KIAA1217: variants seen among roughly 807,000 people sequenced by gnomAD.
KIAA1217 encodes sickle tail protein homolog.
Under a neutral mutation model 163.9 loss-of-function variants are expected in KIAA1217, and 88 were observed. The observed-to-expected ratio is 0.54, with a 90% confidence interval of 0.45 to 0.64. The LOEUF is 0.64. KIAA1217 is among the 30% of genes least tolerant of loss of function. KIAA1217 has a pLI of 0.00. For missense variants in KIAA1217, 2,372 were observed against 2,475.0 expected, an observed-to-expected ratio of 0.96 and a Z score of 0.88; for synonymous variants, 903 against 923.1, an observed-to-expected ratio of 0.98 and a Z score of 0.39.
intron 2 of KIAA1217, among the ~76,000 whole-genome samples, chr10:24,167,024 A>G (rs540670607): frequency 1.3e-5 from 2 of 151,934 alleles, no homozygotes; most frequent in East Asian, 3.9e-4. Context: ...AAAATTAAGC[A>G]TACCCCCTTT....
chr10:24,303,295 C>G (rs567896975), intron 2 of KIAA1217, among the ~76,000 whole-genome samples: 19 of 152,236 alleles, frequency 1.2e-4, no homozygotes, highest in Admixed American at 1.2e-3. Flanking sequence ...GGATTACAGG[C>G]ATGAGCCACC....
intron 12 of KIAA1217, 133 bp from the exon 13 acceptor site, chr10:24,524,190 C>T (rs953985159): frequency 8.5e-6 from 7 of 823,502 alleles, no homozygotes; most frequent in African/African-American, 5.1e-5. Flanking sequence ...TATGTCTATA[C>T]ATGTCCCTAA....
intron 1 of KIAA1217, among the ~76,000 whole-genome samples, chr10:23,903,062 G>T (rs1842017432): frequency 6.6e-6 from 1 of 152,048 alleles, no homozygotes; most frequent in African/African-American, 2.4e-5. Flanking sequence ...ATGTGTGTAG[G>T]AAAGTTAGGT....
At chr10:24,398,693 G>A (rs1218048730) in intron 3 of KIAA1217, among the ~76,000 whole-genome samples, 1 of 151,884 alleles carries the variant, frequency 6.6e-6, no homozygotes, top group Non-Finnish European at 1.5e-5. Context: ...TGGATGGGCC[G>A]CCCGCATGCA....
chr10:23,955,447 C>T (rs1373387700), intron 1 of KIAA1217, among the ~76,000 whole-genome samples: 2 of 152,212 alleles, frequency 1.3e-5, no homozygotes, highest in East Asian at 3.8e-4. Flanking sequence ...ATGAATGATG[C>T]TTCGCTCCTT....
intron 2 of KIAA1217, among the ~76,000 whole-genome samples, chr10:24,148,634 C>T (rs952861321): frequency 2.6e-5 from 4 of 152,140 alleles, no homozygotes; most frequent in South Asian, 2.1e-4. Flanking sequence ...TGTGATATGC[C>T]GGCTTCCCCT....
intron 1 of KIAA1217, among the ~76,000 whole-genome samples, chr10:23,720,054 G>T (rs865923820): frequency 1.3e-5 from 2 of 151,912 alleles, no homozygotes; most frequent in Non-Finnish European, 2.9e-5. Flanking sequence ...TTGCTTAATA[G>T]GTAGGGGATT....
rs114567723 is a variant in KIAA1217, at chr10:23,931,782, G to A, written c.-320-75443G>A. 5.1e-3 allele frequency among the ~76,000 whole-genome samples: 772 copies of A among 152,268 alleles called. 8 individuals carry two copies. Among genetic ancestry groups the A allele is most frequent in the African/African-American group, 0.018 (741 of 41,538 alleles). ...AGTTTCTTAAAACTTTTGTGTATCA[G>A]TAAGAGTCCTGGCAGGAAACAGATG... On this transcript the variant is annotated intron_variant, in intron 1 of 18. Coordinates refer to the KIAA1217 transcript ENST00000376462.
At chr10:24,434,476 T>C (rs2059868602) in intron 4 of KIAA1217, among the ~76,000 whole-genome samples, 1 of 152,206 alleles carries the variant, frequency 6.6e-6, no homozygotes, top group Non-Finnish European at 1.5e-5. Flanking sequence ...TAGCTGGCAC[T>C]ACCGGCACAT....
chr10:24,202,014 G>A (rs573583282), intron 2 of KIAA1217, among the ~76,000 whole-genome samples: 2 of 152,316 alleles, frequency 1.3e-5, no homozygotes, highest in East Asian at 3.9e-4. Context: ...CAGGCAGGCG[G>A]CCCAGCCCCG....
At chr10:23,847,380 A>G (rs1200302026) in intron 1 of KIAA1217, among the ~76,000 whole-genome samples, 1 of 151,382 alleles carries the variant, frequency 6.6e-6, no homozygotes, top group African/African-American at 2.4e-5. Flanking sequence ...TTTTTAGGCT[A>G]TTAATTACTG....
At chr10:23,764,582 GGTAC>G (rs2130864742) in intron 1 of KIAA1217, among the ~76,000 whole-genome samples, 1 of 152,216 alleles carries the variant, frequency 6.6e-6, no homozygotes, top group East Asian at 1.9e-4. Flanking sequence ...AAGAAAATAT[GGTAC>G]GTATACACTA....
rs562103184 is a variant in KIAA1217 at position 24,287,189 on chromosome 10, T to TA, written c.354+67281dup. On this transcript the variant is annotated intron_variant, in intron 2 of 20. Transcript: ENST00000376454. ...CCTCAGCCTCCCAAGTAACTGGGAT[T>TA]ACAGGCATGCGCCACACGCCGAGCT... Among the ~76,000 whole-genome samples, 7 of 152,284 alleles carry TA rather than the reference T, an allele frequency of 4.6e-5. No homozygotes were observed. The South Asian group carries it at 1.4e-3, about 32-fold the overall frequency.
intron 2 of KIAA1217, among the ~76,000 whole-genome samples, chr10:24,227,106 C>A (rs561266733): frequency 6.6e-6 from 1 of 151,672 alleles, no homozygotes; most frequent in East Asian, 1.9e-4. Context: ...ACCTAAAAAT[C>A]TGACATGTCC....
chr10:24,404,102 A>G (rs1470000244), intron 3 of KIAA1217, among the ~76,000 whole-genome samples: 1 of 152,070 alleles, frequency 6.6e-6, no homozygotes, highest in Non-Finnish European at 1.5e-5. Context: ...GGACTAAAGG[A>G]GCACGCCACC....
rs2072502926 is a variant in KIAA1217, at chr10:24,528,236, T to C, written c.3082+117T>C. The C allele has an allele frequency of 3.9e-6, 3 of 778,914 alleles. No individual in the cohort carries two copies. The East Asian group carries it at 8.1e-5, about 21-fold the overall frequency. The allele number at this position is 778,914 out of a possible 1,614,324, so 48.3% of individuals were successfully genotyped here. On this transcript the variant is annotated intron_variant, in intron 14 of 20. Coordinates refer to ENST00000376454, the MANE Select transcript of KIAA1217 (RefSeq NM_019590.5). ...ACCAATGTCTCAGTTCTTACAAATC[T>C]TACAAAATGTAAAACCTGGAAGAGC...
intron 1 of KIAA1217, 141 bp from the exon 2 acceptor site, chr10:24,219,485 C>A: frequency 3.1e-6 from 2 of 636,498 alleles, no homozygotes; most frequent in Non-Finnish European, 4.9e-6. Flanking sequence ...TGCTGCAAAG[C>A]AGAAAAAGAA....
At chr10:24,248,577 A>G (rs897112981) in intron 2 of KIAA1217, among the ~76,000 whole-genome samples, 55 of 147,588 alleles carry the variant, frequency 3.7e-4, no homozygotes, top group African/African-American at 1.4e-3. Flanking sequence ...GGGCTGAGAC[A>G]GGAGAATCGC....
intron 2 of KIAA1217, among the ~76,000 whole-genome samples, chr10:24,143,224 T>G (rs144889183): frequency 9.0e-4 from 137 of 152,304 alleles, no homozygotes; most frequent in African/African-American, 3.0e-3. Context: ...ACACCACAGC[T>G]GCAGTGATCC....
Sources: allele counts gnomAD v4.1 joint callset (sites outside exome capture counted in the v4.1 genomes callset), GRCh38; gene constraint gnomAD v4.1.1; transcripts MANE v1.5; gene names NCBI Gene and HGNC (gene_info 2026-07-23, HGNC 2026-07-21).